The following BMERB1 variants were observed in gnomAD, a reference collection of about 807,000 sequenced individuals.
BMERB1 encodes the protein bMERB domain containing 1, also known as bMERB domain-containing protein 1.
In BMERB1, 12 loss-of-function variants were observed where a neutral mutation model predicts 23.6. That is an observed-to-expected ratio of 0.51 (90% CI 0.33 to 0.82). BMERB1 has a LOEUF of 0.82. BMERB1 is among the 40% of genes least tolerant of loss of function. The probability of loss-of-function intolerance (pLI) is 0.03; values close to 1 mark genes in which losing one functional copy is unlikely to be tolerated. For missense variants in BMERB1, 247 were observed against 255.4 expected (o/e 0.97, Z 0.22); for synonymous variants, 122 against 96.6 (o/e 1.26, Z -1.54).
At chr16:15,455,151 C>A (rs1480514248) in intron 1 of BMERB1, among the ~76,000 whole-genome samples, 1 of 151,816 alleles carries the variant, frequency 6.6e-6, no homozygotes, top group Non-Finnish European at 1.5e-5. Flanking sequence ...CATGGCAAAA[C>A]CGTCTCTACT....
intron 1 of BMERB1, among the ~76,000 whole-genome samples, chr16:15,509,898 C>T (rs549838826): frequency 5.3e-4 from 80 of 152,256 alleles, no homozygotes; most frequent in African/African-American, 1.8e-3. Flanking sequence ...GATGAGCTCA[C>T]ATTGGATTAG....
At chr16:15,470,629 G>A (rs577463382) in intron 1 of BMERB1, among the ~76,000 whole-genome samples, 21 of 151,514 alleles carry the variant, frequency 1.4e-4, no homozygotes, top group South Asian at 4.2e-4. Context: ...AGGTTCAAGC[G>A]ATTCCCCTGC....
intron 2 of BMERB1, 81 bp from the exon 3 acceptor site, chr16:15,567,901 CT>C: frequency 2.3e-6 from 3 of 1,288,398 alleles, no homozygotes; most frequent in Non-Finnish European, 3.3e-6. Context: ...CCTTTAATAG[CT>C]TCTTTGTGTT....
chr16:15,544,939 A>G (rs1193126451), intron 2 of BMERB1, among the ~76,000 whole-genome samples: 1 of 151,970 alleles, frequency 6.6e-6, no homozygotes, highest in Non-Finnish European at 1.5e-5. Context: ...CTGTCCCCCA[A>G]AGCACCTAAC....
intron 2 of BMERB1, among the ~76,000 whole-genome samples, chr16:15,553,730 C>G (rs2150967086): frequency 6.6e-6 from 1 of 152,274 alleles, no homozygotes; most frequent in East Asian, 1.9e-4. Context: ...CCAAAACAGG[C>G]AGTGGGCCAG....
chr16:15,565,168 G>A (rs533895695), intron 2 of BMERB1, among the ~76,000 whole-genome samples: 29 of 152,192 alleles, frequency 1.9e-4, no homozygotes, highest in Admixed American at 6.5e-5. Context: ...CAGCAGCCCC[G>A]GCCCTTGATG....
At chr16:15,547,818 GACTA>G (rs778355025) in intron 2 of BMERB1, among the ~76,000 whole-genome samples, 1 of 152,206 alleles carries the variant, frequency 6.6e-6, no homozygotes, top group Non-Finnish European at 1.5e-5. Context: ...CTCCACCATT[GACTA>G]GCTGTGTGAT....
At chr16:15,516,335 G>A (rs920081671) in intron 2 of BMERB1, among the ~76,000 whole-genome samples, 6 of 152,034 alleles carry the variant, frequency 3.9e-5, no homozygotes, top group South Asian at 2.1e-4. Context: ...TGGGGGGATC[G>A]GTTTAGCCCA....
At chr16:15,509,342 G>GGGA (rs2051631709) in intron 1 of BMERB1, among the ~76,000 whole-genome samples, 1 of 125,748 alleles carries the variant, frequency 8.0e-6, no homozygotes, top group Non-Finnish European at 1.6e-5. Flanking sequence ...GGGTGGGGGG[G>GGGA]GAGAGAGAGA....
At position 15,586,842 on chromosome 16, in the gene BMERB1, G is replaced by A. The variant is rs2031158701; in HGVS notation, c.*13G>A. On this transcript the variant is annotated 3_prime_UTR_variant, in exon 6 of 6. Coordinates refer to ENST00000300006, the MANE Select transcript of BMERB1 (RefSeq NM_033201.3). Reference sequence around the variant, plus strand: ...CAACATCATGTAGCCCCCACGTGGGGTGCCCTGGGCCATGGGGACCCCCCC... The same window carrying A: ...CAACATCATGTAGCCCCCACGTGGGATGCCCTGGGCCATGGGGACCCCCCC... 1 of 1,570,410 alleles carries A rather than the reference G, an allele frequency of 6.4e-7. No homozygotes were observed. Among genetic ancestry groups the A allele is most frequent in the Non-Finnish European group, 8.6e-7 (1 of 1,156,458 alleles).
intron 1 of BMERB1, among the ~76,000 whole-genome samples, chr16:15,512,262 G>T (rs1048313064): frequency 1.2e-4 from 19 of 152,102 alleles, no homozygotes; most frequent in African/African-American, 4.6e-4. Context: ...ACTCAGGGCC[G>T]GGAGAGTCCC....
chr16:15,468,696 G>A (rs2051204642), intron 1 of BMERB1, among the ~76,000 whole-genome samples: 1 of 152,076 alleles, frequency 6.6e-6, no homozygotes, highest in Admixed American at 6.6e-5. Context: ...TTTTGATGAG[G>A]TCTAATTTAT....
At chr16:15,583,595 A>G (rs1182890688) in intron 5 of BMERB1, among the ~76,000 whole-genome samples, 1 of 151,686 alleles carries the variant, frequency 6.6e-6, no homozygotes, top group East Asian at 1.9e-4. Flanking sequence ...AAAAAAAAAA[A>G]AAAGGCCATT....
At chr16:15,502,090 C>T (rs906301696) in intron 1 of BMERB1, among the ~76,000 whole-genome samples, 8 of 152,192 alleles carry the variant, frequency 5.3e-5, no homozygotes, top group African/African-American at 9.7e-5. Flanking sequence ...CGAGGTCGGC[C>T]GTTAGAAAGA....
chr16:15,466,932 G>T (rs1388485281), intron 1 of BMERB1, among the ~76,000 whole-genome samples: 2 of 152,248 alleles, frequency 1.3e-5, no homozygotes, highest in African/African-American at 2.4e-5. Context: ...GAATATTAAA[G>T]AAATGGAATC....
chr16:15,447,914 A>C, intron 1 of BMERB1: 1 of 455,868 alleles, frequency 2.2e-6, no homozygotes, highest in Non-Finnish European at 4.4e-6. Context: ...TTTGAGACAG[A>C]GTCTTGCTGT....
intron 2 of BMERB1, among the ~76,000 whole-genome samples, chr16:15,554,372 T>C (rs1281226983): frequency 6.6e-6 from 1 of 152,208 alleles, no homozygotes; most frequent in Non-Finnish European, 1.5e-5. Context: ...ACTGAGATGA[T>C]TTGTGTAAAA....
chr16:15,510,263 G>A (rs577091362), intron 1 of BMERB1, among the ~76,000 whole-genome samples: 2 of 152,248 alleles, frequency 1.3e-5, no homozygotes, highest in African/African-American at 4.8e-5. Context: ...TGAATGGGGG[G>A]TGTCGGACTT....
At chr16:15,542,139 C>T (rs1477834033) in intron 2 of BMERB1, among the ~76,000 whole-genome samples, 12 of 150,744 alleles carry the variant, frequency 8.0e-5, no homozygotes, top group Admixed American at 8.0e-4. Flanking sequence ...TTGCGGCTCA[C>T]TGCAACCTCC....
Sources: gnomAD v4.1 joint callset for allele counts (sites outside exome capture counted in the v4.1 genomes callset) on GRCh38, gnomAD v4.1.1 for gene constraint, MANE v1.5 for transcripts, NCBI Gene and HGNC (gene_info 2026-07-23, HGNC 2026-07-21) for gene names.